The following MYO16 variants were observed in gnomAD, a reference collection of about 807,000 sequenced individuals.
MYO16 encodes the protein unconventional myosin-XVI.
A neutral mutation model predicts 205.3 loss-of-function variants in MYO16; 94 were observed. That is an observed-to-expected ratio of 0.46 (90% CI 0.39 to 0.54). The LOEUF (loss-of-function observed/expected upper bound fraction) is 0.54. Ranked by LOEUF, MYO16 falls within the 20% of genes least tolerant of loss-of-function variation. The pLI is 0.00. For missense variants in MYO16, 2,315 were observed against 2,387.5 expected (o/e 0.97, Z 0.63); for synonymous variants, 988 against 954.0 (o/e 1.04, Z -0.66).
At chr13:109,168,449 C>T (rs1473243384) in intron 33 of MYO16, among the ~76,000 whole-genome samples, 1 of 152,130 alleles carries the variant, frequency 6.6e-6, no homozygotes. Flanking sequence ...CTAGGCCAGG[C>T]GCGGTGGCTC....
At chr13:108,793,891 C>T (rs548456467) in intron 6 of MYO16, among the ~76,000 whole-genome samples, 2 of 152,078 alleles carry the variant, frequency 1.3e-5, no homozygotes, top group Non-Finnish European at 1.5e-5. Flanking sequence ...TATGTTCATC[C>T]CAGTGCCGTT....
In MYO16 at chr13:108,609,023, G is replaced by T. The variant is rs1879070827; in HGVS notation, c.-39+12784G>T. Among the ~76,000 whole-genome samples, 3 of 152,042 alleles carry T rather than the reference G, an allele frequency of 2.0e-5. No homozygotes were observed. The South Asian group carries it at 6.2e-4, about 32-fold the overall frequency. On this transcript the variant is annotated intron_variant, in intron 1 of 24. Transcript: ENST00000251041. ...TTTATTTTTTGAAGGACATTGAAAG[G>T]TACTCAATGGTGACCCCAGCAACAC...
intron 3 of MYO16, among the ~76,000 whole-genome samples, chr13:108,726,567 A>AG (rs1884345973): frequency 6.7e-6 from 1 of 150,184 alleles, no homozygotes; most frequent in South Asian, 2.1e-4. Context: ...CAAAAAAAAA[A>AG]AAAAAGAAAA....
upstream of MYO16, among the ~76,000 whole-genome samples, chr13:108,591,445 TA>T (rs11318246): frequency 0.3 from 45,177 of 150,016 alleles, 6,908 homozygotes; most frequent in African/African-American, 0.35. Context: ...CTCTTTAAAA[TA>T]AAAAAAAAAA....
At chr13:108,917,525 C>G (rs1881549594) in intron 16 of MYO16, among the ~76,000 whole-genome samples, 1 of 152,182 alleles carries the variant, frequency 6.6e-6, no homozygotes, top group Non-Finnish European at 1.5e-5. Context: ...AAACTTATCA[C>G]CTTGATTTCC....
chr13:109,115,290 T>G (rs535062888), intron 28 of MYO16, among the ~76,000 whole-genome samples: 1 of 129,720 alleles, frequency 7.7e-6, no homozygotes, highest in East Asian at 2.2e-4. Context: ...ATTGTAACAG[T>G]AATTGGAGCT....
intron 16 of MYO16, among the ~76,000 whole-genome samples, chr13:108,956,367 C>T (rs9514947): frequency 0.61 from 92,270 of 151,708 alleles, 30,000 homozygotes; most frequent in Non-Finnish European, 0.74. Context: ...TGGCCTCTCA[C>T]TGGGCCACAC....
In MYO16 at chr13:108,718,534, CA is replaced by C. The variant is rs774802807; in HGVS notation, c.363+5804del. 1.1e-3 allele frequency among the ~76,000 whole-genome samples: 171 copies of C among 151,926 alleles called. 3 individuals are homozygous for C. The highest frequency in any genetic ancestry group is 2.8e-4 in the Non-Finnish European group (19 of 67,950). On this transcript the variant is annotated intron_variant, in intron 3 of 34. Transcript: ENST00000457511. ...GGGGGCCCCATGGAGGATGCAGCAG[CA>C]GGAAGCAGAAGGCAGGCAAGGGGCA...
chr13:108,782,162 C>T (rs952846799), intron 4 of MYO16, among the ~76,000 whole-genome samples: 1 of 152,152 alleles, frequency 6.6e-6, no homozygotes, highest in African/African-American at 2.4e-5. Flanking sequence ...TTGGAACTTC[C>T]TAGAGACTTG....
At chr13:108,896,767 G>T (rs1454998853) in intron 14 of MYO16, among the ~76,000 whole-genome samples, 1 of 152,098 alleles carries the variant, frequency 6.6e-6, no homozygotes, top group Non-Finnish European at 1.5e-5. Context: ...TCAGGAGTTT[G>T]AGACCAGCCT....
At chr13:108,953,099 C>CA (rs1217565073) in intron 16 of MYO16, among the ~76,000 whole-genome samples, 3 of 151,864 alleles carry the variant, frequency 2.0e-5, no homozygotes, top group African/African-American at 4.8e-5. Context: ...TGTTAAAAAA[C>CA]AAAAAAAGTC....
rs1566398908 is a variant in MYO16 at position 108,898,035 on chromosome 13, C to G, written c.1679C>G (p.Ala560Gly). The part of the protein sequence containing the change: ...RFKHVVCILE[A>G]FGHAKTTLND... ...CCACAGGTCGTGTGCATCTTAGAAG[C>G]CTTTGGACATGCCAAGACCACACTT... The change falls in exon 15 of 35, where the codon GCC becomes GGC. Residue 560 changes from alanine to glycine, a missense_variant. Physicochemically the swap from Ala to Gly is moderately conservative, Grantham distance 60. Coordinates refer to ENST00000457511, the MANE Select transcript of MYO16 (RefSeq NM_001198950.3). The G allele has an allele frequency of 6.2e-7, 1 of 1,613,566 alleles. No individual in the cohort carries two copies. The highest frequency in any genetic ancestry group is 1.7e-5 in the Admixed American group (1 of 60,020).
chr13:108,799,712 G>T (rs73612410), intron 6 of MYO16, among the ~76,000 whole-genome samples: 1 of 152,158 alleles, frequency 6.6e-6, no homozygotes, highest in Non-Finnish European at 1.5e-5. Context: ...GGTGTTAAGG[G>T]CTGTGAGTTT....
chr13:109,140,487 T>C lies in MYO16; in HGVS notation c.4275T>C (p.Gly1425=). 6.5e-7 allele frequency: 1 copy of C among 1,541,950 alleles called. No individual in the cohort carries two copies. Among genetic ancestry groups the C allele is most frequent in the East Asian group, 2.5e-5 (1 of 40,004 alleles). Residue 1425 remains glycine (G), a synonymous_variant, in exon 32 of 35, where the codon GGT becomes GGC. Coordinates refer to ENST00000457511, the MANE Select transcript of MYO16 (RefSeq NM_001198950.3). The surrounding 1 kb of genome is among the most constrained non-coding windows in gnomAD (Gnocchi z 8.0). ...CGCTGCCCCCGGCGGCGCCTCCGGG[T>C]GACGAGGACGACAGCGAGCCTGTGT... ...QCALPPAAPP[G]DEDDSEPVYI...
At chr13:108,510,485 T>TTTTTTTTTTTTTTTTTTTTTTTA in the MYO16 span, among the ~76,000 whole-genome samples, 2 of 96,438 alleles carry the variant, frequency 2.1e-5, no homozygotes, top group Non-Finnish European at 4.3e-5. Flanking sequence ...TTTTTTTTTT[T>TTTTTTTTTTTTTTTTTTTTTTTA]ATTGTACTTT....
chr13:108,745,683 A>C lies in MYO16; in HGVS notation c.507+18100A>C, dbSNP rs189757171. ...CAAAAGGCAAGGAAAACACAGTTTG[A>C]AGATATAAAAAAAACATCAGAACCA... is the stretch of plus-strand genomic sequence containing the variant. On this transcript the variant is annotated intron_variant, in intron 4 of 34. Coordinates refer to ENST00000457511, the MANE Select transcript of MYO16 (RefSeq NM_001198950.3). Among the ~76,000 whole-genome samples the C allele has an allele frequency of 5.1e-4, 77 of 152,288 alleles. 1 individual carries two copies. The Middle Eastern group carries it at 0.024, about 47-fold the overall frequency.
chr13:108,926,840 A>G (rs1055500044), intron 16 of MYO16, among the ~76,000 whole-genome samples: 16 of 152,228 alleles, frequency 1.1e-4, no homozygotes, highest in African/African-American at 3.9e-4. Context: ...CTCCTTTTGA[A>G]TAGACGGTGT....
At position 109,127,287 on chromosome 13, in the gene MYO16, A is replaced by T; in HGVS notation, c.3788A>T (p.Asp1263Val). The change falls in exon 31 of 35, where the codon GAT becomes GTT. Residue 1263 changes from aspartate to valine, a missense_variant. This residue lies in a region of MYO16 where 1,097 missense variants were observed against 1,092.0 expected (regional missense o/e 1.00). Transcript: ENST00000457511. The surrounding 1 kb of genome is among the most constrained non-coding windows in gnomAD (Gnocchi z 4.2). ...NMQEEGSKRT[D>V]DKSGPRHFHP... ...GTGTTTTGTTTCCCCCTAAGAACCG[A>T]TGACAAGAGTGGACCCAGGCATTTC... 1 of 1,581,972 alleles carries T rather than the reference A, an allele frequency of 6.3e-7. No homozygotes were observed. Among genetic ancestry groups the T allele is most frequent in the Non-Finnish European group, 8.6e-7 (1 of 1,158,954 alleles).
chr13:109,040,862 G>A (rs1238563082), intron 23 of MYO16, among the ~76,000 whole-genome samples: 1 of 152,076 alleles, frequency 6.6e-6, no homozygotes, highest in Non-Finnish European at 1.5e-5. Flanking sequence ...GTTCTAGCAA[G>A]TGTAATAAAG....
Sources: gnomAD v4.1 joint callset for allele counts (sites outside exome capture counted in the v4.1 genomes callset) on GRCh38, gnomAD v4.1.1 for gene constraint, gnomAD v4.1.1 regional missense constraint, Gnocchi (gnomAD v3.1) non-coding constraint, MANE v1.5 for transcripts, NCBI Gene and HGNC (gene_info 2026-07-23, HGNC 2026-07-21) for gene names.